CA10: variants seen among roughly 807,000 people sequenced by gnomAD.
CA10 encodes carbonic anhydrase 10 (inactive), also known as carbonic anhydrase-related protein 10.
Under a neutral mutation model 44.2 loss-of-function variants are expected in CA10, and 14 were observed. The observed-to-expected ratio is 0.32, with a 90% CI of 0.21 to 0.50. The LOEUF (loss-of-function observed/expected upper bound fraction) is 0.50. CA10 is among the 20% of genes least tolerant of loss of function. CA10 has a pLI of 0.99. For synonymous variants in CA10, 159 were observed against 141.6 expected (o/e 1.12, Z -0.87); for missense variants, 350 against 409.7 (o/e 0.85, Z 1.26).
chr17:52,157,813 A>G lies in CA10; in HGVS notation c.-27T>C, dbSNP rs1355021569. ...CTCTGATTCTCATTCCAAGTGCATC[A>G]CTCGACGGGAAAACGGGGGGAAGGG... On this transcript the variant is annotated 5_prime_UTR_variant, in exon 1 of 9. It removes the in-frame stop codon of an upstream open reading frame in the 5' UTR. Coordinates refer to ENST00000451037, the MANE Select transcript of CA10 (RefSeq NM_020178.5). The G allele has an allele frequency of 1.2e-6, 2 of 1,601,952 alleles. No homozygotes were observed. Among genetic ancestry groups the G allele is most frequent in the South Asian group, 1.1e-5 (1 of 90,844 alleles).
chr17:51,931,613 C>T (rs956375712), intron 2 of CA10, among the ~76,000 whole-genome samples: 1 of 152,104 alleles, frequency 6.6e-6, no homozygotes, highest in Non-Finnish European at 1.5e-5. Context: ...CAAGACTAAA[C>T]TGAGGGAGTG....
chr17:51,978,996 A>G (rs996568497), intron 2 of CA10, among the ~76,000 whole-genome samples: 1 of 152,154 alleles, frequency 6.6e-6, no homozygotes, highest in Non-Finnish European at 1.5e-5. Flanking sequence ...CCACTTGCCT[A>G]GAGGTCCTTA....
chr17:52,065,875 G>A (rs1263407010), intron 2 of CA10, among the ~76,000 whole-genome samples: 3 of 152,136 alleles, frequency 2.0e-5, no homozygotes, highest in East Asian at 3.9e-4. Flanking sequence ...TTGTAGGAGG[G>A]ACCTGGTGGG....
intron 7 of CA10, 33 bp from the exon 8 acceptor site, chr17:51,633,683 C>CCCA (rs1567781900): frequency 6.2e-7 from 1 of 1,606,074 alleles, no homozygotes; most frequent in Admixed American, 1.7e-5. Context: ...GAGATCCAAC[C>CCCA]ATCCTCTTAA....
chr17:51,909,776 C>T (rs985433200), intron 3 of CA10, among the ~76,000 whole-genome samples: 17 of 152,172 alleles, frequency 1.1e-4, no homozygotes, highest in South Asian at 8.3e-4. Flanking sequence ...TTCACTCTTC[C>T]GCAATATTTG....
In CA10 at chr17:52,026,732, T is replaced by C. The variant is rs565766893; in HGVS notation, c.136+45587A>G. Among the ~76,000 whole-genome samples the C allele has an allele frequency of 1.2e-3, 185 of 152,216 alleles. 5 individuals carry two copies. In the South Asian group the frequency reaches 0.022, roughly 18 times the overall value. On this transcript the variant is annotated intron_variant, in intron 2 of 8. Coordinates refer to ENST00000451037, the MANE Select transcript of CA10 (RefSeq NM_020178.5). Reference sequence around the variant, plus strand: ...GAGATTTCAAGAGAGCTCACTATTATGAGAACAGCAGCATGGGGGTAACGA... The same window carrying C: ...GAGATTTCAAGAGAGCTCACTATTACGAGAACAGCAGCATGGGGGTAACGA...
At chr17:51,763,877 T>C (rs777835222) in intron 3 of CA10, among the ~76,000 whole-genome samples, 4 of 152,116 alleles carry the variant, frequency 2.6e-5, no homozygotes, top group Non-Finnish European at 5.9e-5. Flanking sequence ...CTGTCTCTGC[T>C]AATGTATCTT....
intron 2 of CA10, among the ~76,000 whole-genome samples, chr17:52,010,764 A>C (rs1463779693): frequency 1.3e-5 from 2 of 151,624 alleles, no homozygotes; most frequent in African/African-American, 4.8e-5. Flanking sequence ...GTTCAACATG[A>C]ACTTATTAAT....
At chr17:51,716,854 G>C (rs993606129) in intron 4 of CA10, among the ~76,000 whole-genome samples, 1 of 152,240 alleles carries the variant, frequency 6.6e-6, no homozygotes. Flanking sequence ...GCCCAAGGTT[G>C]GTCAAGGTCA....
chr17:51,689,428 G>C (rs1458570159), intron 4 of CA10, among the ~76,000 whole-genome samples: 1 of 152,148 alleles, frequency 6.6e-6, no homozygotes, highest in Non-Finnish European at 1.5e-5. Context: ...GATTTTGAAT[G>C]AATGAATGAT....
At chr17:51,868,218 C>T (rs1384434772) in intron 3 of CA10, among the ~76,000 whole-genome samples, 4 of 152,078 alleles carry the variant, frequency 2.6e-5, no homozygotes, top group African/African-American at 9.7e-5. Context: ...GTAATCTCTG[C>T]TACCAGCTGC....
intron 2 of CA10, among the ~76,000 whole-genome samples, chr17:51,933,280 G>A (rs1189044196): frequency 2.6e-5 from 4 of 152,138 alleles, no homozygotes; most frequent in African/African-American, 7.2e-5. Flanking sequence ...GATTATCTGG[G>A]TGGGCCCAAT....
At chr17:52,078,519 T>C (rs550438305) in intron 1 of CA10, among the ~76,000 whole-genome samples, 43 of 152,340 alleles carry the variant, frequency 2.8e-4, no homozygotes, top group African/African-American at 9.9e-4. Context: ...TTTAATGTAA[T>C]GGTAGAAGCC....
chr17:51,885,119 A>G (rs1980541208), intron 3 of CA10, among the ~76,000 whole-genome samples: 1 of 152,234 alleles, frequency 6.6e-6, no homozygotes, highest in Non-Finnish European at 1.5e-5. Context: ...CTAGCACCAT[A>G]TGACATACAA....
intron 4 of CA10, among the ~76,000 whole-genome samples, chr17:51,707,986 G>A (rs1442637469): frequency 6.6e-6 from 1 of 152,130 alleles, no homozygotes; most frequent in African/African-American, 2.4e-5. Context: ...CTTAAAGCAG[G>A]ACACCAACCT....
At chr17:51,813,558 C>G (rs779667663) in intron 3 of CA10, among the ~76,000 whole-genome samples, 5 of 152,214 alleles carry the variant, frequency 3.3e-5, no homozygotes, top group Non-Finnish European at 7.3e-5. Flanking sequence ...GTGTTATTTT[C>G]CATGGTTGTT....
chr17:51,831,684 G>GCAGCAGCAGCAGCAGCATCAGCAT (rs1908259919), intron 3 of CA10, among the ~76,000 whole-genome samples: 1 of 57,378 alleles, frequency 1.7e-5, no homozygotes, highest in African/African-American at 7.4e-5. Context: ...AGCAGCAGCA[G>GCAGCAGCAGCAGCAGCATCAGCAT]CAGCAGCAGC....
intron 3 of CA10, among the ~76,000 whole-genome samples, chr17:51,810,725 T>C (rs1907328212): frequency 6.6e-6 from 1 of 152,140 alleles, no homozygotes; most frequent in Non-Finnish European, 1.5e-5. Context: ...AAAGACACAT[T>C]AGGGTGACAC....
chr17:51,878,893 G>GGGGTGTGT lies in CA10; in HGVS notation c.279+52096_279+52097insACACACCC, dbSNP rs1555608412. On this transcript the variant is annotated intron_variant, in intron 3 of 8. Coordinates refer to ENST00000451037, the MANE Select transcript of CA10 (RefSeq NM_020178.5). ...ATATATATATATATATATATATATGGGTGTGTGTGTGTGTGTGTGTATGTG... is the reference window on the plus strand; with the variant it reads ...ATATATATATATATATATATATATGGGGGTGTGTGTGTGTGTGTGTGTGTGTGTATGTG... Among the ~76,000 whole-genome samples the GGGGTGTGT allele has an allele frequency of 6.7e-4, 35 of 52,360 alleles. 4 individuals carry two copies. The highest frequency in any genetic ancestry group is 1.7e-3 in the African/African-American group (25 of 15,048). 34.4% of individuals were successfully genotyped at this position (52,360 alleles called of 152,430 possible).
Sources: allele counts gnomAD v4.1 joint callset (sites outside exome capture counted in the v4.1 genomes callset), GRCh38; gene constraint gnomAD v4.1.1; transcripts MANE v1.5; gene names NCBI Gene and HGNC (gene_info 2026-07-23, HGNC 2026-07-21).